The following KNL1 variants were observed in gnomAD, a reference collection of about 807,000 sequenced individuals.
KNL1 encodes the protein outer kinetochore KNL1 complex subunit KNL1.
KNL1 carries 66 observed loss-of-function variants against 201.3 expected under a neutral mutation model. That is an observed-to-expected ratio of 0.33 (90% CI 0.27 to 0.40). The LOEUF (loss-of-function observed/expected upper bound fraction) is 0.40. KNL1 is among the 10% of genes least tolerant of loss of function. The pLI, the probability that KNL1 is intolerant of heterozygous loss-of-function variation, is 1.00. For missense variants in KNL1, 2,815 were observed against 2,690.5 expected (o/e 1.05, Z -1.02); for synonymous variants, 895 against 899.2 (o/e 1.00, Z 0.08).
rs114041699 is a variant in KNL1 at position 40,644,988 on chromosome 15, G to A, written c.5799-9G>A. The A allele has an allele frequency of 6.6e-4, 1,046 of 1,591,652 alleles. 9 individuals carry two copies. In the African/African-American group the frequency reaches 0.013, roughly 19 times the overall value. ...CCCTACAGTGCTAATTAACTTTTCCGTATTTTAGATTAAAGCTTTCTGCAT... is the reference window on the plus strand; with the variant it reads ...CCCTACAGTGCTAATTAACTTTTCCATATTTTAGATTAAAGCTTTCTGCAT... On this transcript the variant is annotated splice_polypyrimidine_tract_variant and intron_variant, in intron 14 of 25. Transcript: ENST00000399668.
chr15:40,629,135 A>G lies in KNL1; in HGVS notation c.5584-138A>G, dbSNP rs900527569. On this transcript the variant is annotated intron_variant, in intron 12 of 25. Coordinates refer to ENST00000399668, the MANE Select transcript of KNL1 (RefSeq NM_144508.5). ...AAATGATCTTAGATAAAATCTGCTC[A>G]TGTATAGCCTGCAGATATCTGGATA... 5.9e-6 allele frequency: 3 copies of G among 504,302 alleles called. 1 individual carries two copies. The highest frequency in any genetic ancestry group is 3.5e-5 in the South Asian group (1 of 28,840). The allele number at this position is 504,302 out of a possible 1,614,324, so 31.2% of individuals were successfully genotyped here.
rs773612559 is a variant in KNL1 at position 40,610,326 on chromosome 15, A to C, written c.250+29A>C. ...AGTATGTTACTATAATTCCTGCTAAATCTGCTTTTTAAAAAATTTTACTGT... is the reference window on the plus strand; with the variant it reads ...AGTATGTTACTATAATTCCTGCTAACTCTGCTTTTTAAAAAATTTTACTGT... On this transcript the variant is annotated intron_variant, in intron 6 of 25. Transcript: ENST00000399668. 15 of 1,254,378 alleles carry C rather than the reference A, an allele frequency of 1.2e-5. No individual in the cohort carries two copies. In the South Asian group the frequency reaches 1.6e-4, roughly 14 times the overall value. 77.7% of individuals were successfully genotyped at this position (1,254,378 alleles called of 1,614,324 possible).
At position 40,606,423 on chromosome 15, in the gene KNL1, G is replaced by A; in HGVS notation, c.106G>A (p.Asp36Asn). 2 of 1,581,334 alleles carry A rather than the reference G, an allele frequency of 1.3e-6. No homozygotes were observed. Among genetic ancestry groups the A allele is most frequent in the Non-Finnish European group, 1.7e-6 (2 of 1,150,730 alleles). ...ILKPPRSPLQ[D>N]LRGGNERVQE... ...GAAACCCCCAAGGAGTCCTCTTCAG[G>A]ACCTCAGAGGTGGGAATGAAAGAGT... is the stretch of plus-strand genomic sequence containing the variant. The change falls in exon 4 of 26, where the codon GAC becomes AAC. Residue 36 changes from aspartate (D) to asparagine (N), a missense_variant. This residue lies in a region of KNL1 where 2,464 missense variants were observed against 2,291.7 expected (regional missense o/e 1.08). Coordinates refer to ENST00000399668, the MANE Select transcript of KNL1 (RefSeq NM_144508.5).
At position 40,621,198 on chromosome 15, in the gene KNL1, A is replaced by G; in HGVS notation, c.934A>G (p.Thr312Ala). ...NSRESKGNDI[T>A]IYGNDFMDLT... is the part of the protein sequence containing the mutation. ...ACGGGAATCTAAAGGTAATGATATT[A>G]CAATTTATGGCAATGACTTTATGGA... The change falls in exon 10 of 26, where the codon ACA becomes GCA. Residue 312 changes from threonine (T) to alanine (A), a missense_variant. Thr to Ala is a moderately conservative substitution (Grantham distance 58). This residue lies in a region of KNL1 where 2,464 missense variants were observed against 2,291.7 expected (regional missense o/e 1.08). Transcript: ENST00000399668. The G allele has an allele frequency of 6.2e-7, 1 of 1,612,226 alleles. No individual in the cohort carries two copies.
rs185450324 is a variant in KNL1 at position 40,645,172 on chromosome 15, C to T, written c.5889+85C>T. ...GTGAAATGAGTAACTGTTACTTGGTCATAGTGATGAGTTATTTAACTTATT... is the reference window on the plus strand; with the variant it reads ...GTGAAATGAGTAACTGTTACTTGGTTATAGTGATGAGTTATTTAACTTATT... On this transcript the variant is annotated intron_variant, in intron 15 of 25. Transcript: ENST00000399668. The T allele has an allele frequency of 4.8e-3, 4,169 of 873,086 alleles. 23 individuals carry two copies. The highest frequency in any genetic ancestry group is 6.0e-3 in the Non-Finnish European group (3,292 of 544,844). The allele number at this position is 873,086 out of a possible 1,614,324, so 54.1% of individuals were successfully genotyped here.
intron 11 of KNL1, 126 bp from the exon 12 acceptor site, chr15:40,628,485 A>G (rs1457883021): frequency 4.2e-6 from 3 of 719,238 alleles, no homozygotes; most frequent in East Asian, 5.2e-5. Flanking sequence ...GCCCTGCTAC[A>G]TGACTGTCTT....
chr15:40,603,510 A>C (rs1595913799), intron 2 of KNL1, among the ~76,000 whole-genome samples: 1 of 152,182 alleles, frequency 6.6e-6, no homozygotes, highest in East Asian at 1.9e-4. Context: ...ATGGTGGCTC[A>C]CACCTGTAGT....
At chr15:40,641,438 T>C (rs925286164) in intron 14 of KNL1, among the ~76,000 whole-genome samples, 4 of 152,176 alleles carry the variant, frequency 2.6e-5, no homozygotes, top group African/African-American at 9.7e-5. Context: ...AAAGAAAATA[T>C]CCTTTAGAGA....
At chr15:40,642,752 T>C (rs1009750077) in intron 14 of KNL1, among the ~76,000 whole-genome samples, 2 of 152,084 alleles carry the variant, frequency 1.3e-5, no homozygotes, top group East Asian at 1.9e-4. Flanking sequence ...CTCAGCCTCC[T>C]GGGTAGCTGG....
At chr15:40,657,651 G>A (rs1012786835) in intron 24 of KNL1, among the ~76,000 whole-genome samples, 178 bp downstream of exon 24, 2 of 152,166 alleles carry the variant, frequency 1.3e-5, no homozygotes, top group African/African-American at 4.8e-5. Context: ...GCAATCTTTG[G>A]CATTCCTTGG....
chr15:40,629,222 C>A, intron 12 of KNL1, 51 bp from the exon 13 acceptor site: 1 of 1,038,694 alleles, frequency 9.6e-7, no homozygotes, highest in Non-Finnish European at 1.4e-6. Context: ...GTGGTTATAT[C>A]AAAGTGAAAT....
intron 21 of KNL1, among the ~76,000 whole-genome samples, chr15:40,653,493 C>T (rs1893632483): frequency 6.6e-6 from 1 of 152,102 alleles, no homozygotes; most frequent in South Asian, 2.1e-4. Context: ...GCCCAACCTA[C>T]TGGTTTTAAT....
At chr15:40,604,322 C>A (rs1288704081) in intron 2 of KNL1, among the ~76,000 whole-genome samples, 1 of 152,072 alleles carries the variant, frequency 6.6e-6, no homozygotes, top group Non-Finnish European at 1.5e-5. Context: ...ACATCACAAC[C>A]TGGTGGCTTG....
Position 40,622,192 on chromosome 15 carries a change from A to G in KNL1, c.1928A>G (p.Asp643Gly). The G allele has an allele frequency of 1.9e-6, 3 of 1,614,122 alleles. No individual in the cohort carries two copies. The highest frequency in any genetic ancestry group is 1.1e-5 in the South Asian group (1 of 91,084). Residue 643 changes from aspartate to glycine, a missense_variant, in exon 10 of 26, where the codon GAT becomes GGT. Asp to Gly is a moderately conservative substitution (Grantham distance 94). This residue lies in a region of KNL1 where 2,464 missense variants were observed against 2,291.7 expected (regional missense o/e 1.08). Transcript: ENST00000399668. ...SLTDTWNKDK[D>G]WVLKILPYLD... ...ACCGACACCTGGAACAAAGACAAAG[A>G]TTGGGTTTTGAAGATTTTGCCCTAC...
At chr15:40,607,350 C>T (rs1892009842) in intron 4 of KNL1, among the ~76,000 whole-genome samples, 1 of 152,154 alleles carries the variant, frequency 6.6e-6, no homozygotes, top group African/African-American at 2.4e-5. Flanking sequence ...ATATTAGTCT[C>T]TGTTAGTCCC....
chr15:40,594,767 G>A (rs1350620398), intron 1 of KNL1, among the ~76,000 whole-genome samples: 1 of 152,338 alleles, frequency 6.6e-6, no homozygotes, highest in Non-Finnish European at 1.5e-5. Flanking sequence ...CCTCTCGGCT[G>A]TTTGTATTTC....
chr15:40,651,075 C>CAAA (rs1048151803), intron 19 of KNL1, among the ~76,000 whole-genome samples: 1 of 116,112 alleles, frequency 8.6e-6, no homozygotes. Context: ...CAAATACAGG[C>CAAA]AAAAAAAAAA....
At chr15:40,602,365 T>C (rs532076719) in intron 1 of KNL1, among the ~76,000 whole-genome samples, 2 of 149,710 alleles carry the variant, frequency 1.3e-5, no homozygotes, top group South Asian at 4.2e-4. Flanking sequence ...CTCGATCTCC[T>C]GACCTTGTGA....
At chr15:40,661,109 C>T (rs566784371) in intron 25 of KNL1, among the ~76,000 whole-genome samples, 7 of 152,030 alleles carry the variant, frequency 4.6e-5, no homozygotes, top group Non-Finnish European at 1.0e-4. Context: ...CATGGTGGCT[C>T]ATGCCTGTAA....
Sources: allele counts gnomAD v4.1 joint callset (sites outside exome capture counted in the v4.1 genomes callset), GRCh38; gene constraint gnomAD v4.1.1; regional missense constraint gnomAD v4.1.1; transcripts MANE v1.5; gene names NCBI Gene and HGNC (gene_info 2026-07-23, HGNC 2026-07-21).